The following HUNK variants were observed in gnomAD, a reference collection of about 807,000 sequenced individuals.
HUNK encodes hormonally up-regulated neu tumor-associated kinase.
A neutral mutation model predicts 61.0 loss-of-function variants in HUNK; 21 were observed. That is an observed-to-expected ratio of 0.34 (90% CI 0.24 to 0.50). HUNK has a LOEUF of 0.50. Ranked by LOEUF, HUNK falls within the 20% of genes least tolerant of loss-of-function variation. HUNK has a pLI of 0.98. For missense variants in HUNK, 772 were observed against 945.7 expected (o/e 0.82, Z 2.41); for synonymous variants, 371 against 386.1 (o/e 0.96, Z 0.46).
rs992502321 is a variant in HUNK, at chr21:31,946,081, C to T, written c.656C>T (p.Pro219Leu). ...NCAGILGYSDPFSTQCGSPAY... is the reference protein window; with the variant it reads ...NCAGILGYSDLFSTQCGSPAY... ...GCAGGGATCCTGGGTTACTCGGATC[C>T]GTTCAGCACACAGTGTGGCAGCCCT... Residue 219 changes from proline to leucine, a missense_variant, in exon 4 of 11, where the codon CCG becomes CTG. Pro to Leu is a moderately conservative substitution (Grantham distance 98). This residue lies in a region of HUNK where 359 missense variants were observed against 501.3 expected (regional missense o/e 0.72). Coordinates refer to ENST00000270112, the MANE Select transcript of HUNK (RefSeq NM_014586.2). 19 of 1,612,230 alleles carry T rather than the reference C, an allele frequency of 1.2e-5. No homozygotes were observed. In the Admixed American group the frequency reaches 1.5e-4, roughly 13 times the overall value.
intron 7 of HUNK, among the ~76,000 whole-genome samples, chr21:31,975,669 A>AT (rs35760838): frequency 0.47 from 71,147 of 152,086 alleles, 17,028 homozygotes; most frequent in African/African-American, 0.53. Context: ...AACATGTGCT[A>AT]TTGAAGTCAC....
intron 5 of HUNK, among the ~76,000 whole-genome samples, chr21:31,963,029 T>A (rs1020723305): frequency 2.6e-5 from 4 of 152,262 alleles, no homozygotes; most frequent in Non-Finnish European, 4.4e-5. Context: ...GAGGATCAGC[T>A]GCTGCCCTTC....
intron 5 of HUNK, among the ~76,000 whole-genome samples, chr21:31,961,869 T>C (rs1166176975): frequency 6.6e-6 from 1 of 152,234 alleles, no homozygotes; most frequent in Non-Finnish European, 1.5e-5. Context: ...GCTGATCTGC[T>C]GCCATTTCAT....
chr21:31,998,769 C>G lies in HUNK; in HGVS notation c.1730C>G (p.Ser577Cys), dbSNP rs764597919. 1 of 1,614,194 alleles carries G rather than the reference C, an allele frequency of 6.2e-7. No homozygotes were observed. The highest frequency in any genetic ancestry group is 1.1e-5 in the South Asian group (1 of 91,082). The part of the protein sequence containing the change: ...RDDHVEVLSP[S>C]HHYRILNSPV... ...GACCACGTAGAAGTGCTGTCTCCCT[C>G]TCATCACTACAGGATTCTGAACTCC... The change falls in exon 11 of 11, where the codon TCT (serine) becomes TGT (cysteine). Residue 577 changes from serine (S) to cysteine (C), a missense_variant. Physicochemically the swap from Ser to Cys is moderately radical, Grantham distance 112. Coordinates refer to ENST00000270112, the MANE Select transcript of HUNK (RefSeq NM_014586.2).
intron 8 of HUNK, among the ~76,000 whole-genome samples, chr21:31,986,337 C>T (rs1031306654): frequency 6.6e-6 from 1 of 151,966 alleles, no homozygotes; most frequent in Non-Finnish European, 1.5e-5. Context: ...CCAATTTGAC[C>T]GCTAAACCCC....
At chr21:31,891,096 G>T (rs747280702) in intron 1 of HUNK, among the ~76,000 whole-genome samples, 3 of 152,208 alleles carry the variant, frequency 2.0e-5, no homozygotes, top group Non-Finnish European at 4.4e-5. Flanking sequence ...ACAGAAACAG[G>T]CTGGATGTGG....
rs2053236285 is a variant in HUNK at position 32,000,099 on chromosome 21, TTCTG to T, written c.*916_*919del. 1 of 398,248 alleles carries T rather than the reference TTCTG, an allele frequency of 2.5e-6. No homozygotes were observed. Among genetic ancestry groups the T allele is most frequent in the African/African-American group, 2.1e-5 (1 of 48,560 alleles). 24.7% of individuals were successfully genotyped at this position (398,248 alleles called of 1,614,324 possible). A position where few individuals can be genotyped will look rare whatever the true frequency, so the allele number is the denominator to read the frequency against. ...GTTGTTTAAGGCATAGCCCTGATCCTTCTGGAAGGCATAGAACACGGTTACAGCT... is the reference window on the plus strand; with the variant it reads ...GTTGTTTAAGGCATAGCCCTGATCCTGAAGGCATAGAACACGGTTACAGCT... On this transcript the variant is annotated 3_prime_UTR_variant, in exon 11 of 11. Transcript: ENST00000270112.
At position 31,940,186 on chromosome 21, in the gene HUNK, G is replaced by A. The variant is rs759175027; in HGVS notation, c.576G>A (p.Leu192=). ...VVHRDLKIEN[L]LLDEDNNIKL... ...TCAGAGACTTGAAGATAGAGAATTTGCTACTAGATGAAGACAATAATATCA... is the reference window on the plus strand; with the variant it reads ...TCAGAGACTTGAAGATAGAGAATTTACTACTAGATGAAGACAATAATATCA... Residue 192 remains leucine (L), a synonymous_variant, in exon 3 of 11, where the codon TTG becomes TTA. Coordinates refer to ENST00000270112, the MANE Select transcript of HUNK (RefSeq NM_014586.2). 6.3e-7 allele frequency: 1 copy of A among 1,590,346 alleles called. No individual in the cohort carries two copies.
intron 8 of HUNK, among the ~76,000 whole-genome samples, chr21:31,987,653 A>G (rs921628776): frequency 4.6e-5 from 7 of 152,266 alleles, no homozygotes; most frequent in Non-Finnish European, 8.8e-5. Context: ...ATGGGCAAAC[A>G]GCATTCAATT....
intron 5 of HUNK, among the ~76,000 whole-genome samples, chr21:31,965,932 A>G (rs1199175668): frequency 6.6e-6 from 1 of 152,008 alleles, no homozygotes; most frequent in East Asian, 1.9e-4. Flanking sequence ...TTCAGTACGT[A>G]TTTGAGGAAC....
chr21:31,896,046 A>C lies in HUNK; in HGVS notation c.261+22111A>C, dbSNP rs1017052401. 3.8e-5 allele frequency among the ~76,000 whole-genome samples: 5 copies of C among 131,076 alleles called. No individual in the cohort carries two copies. In the Admixed American group the frequency reaches 4.2e-4, roughly 11 times the overall value. 86.0% of individuals were successfully genotyped at this position (131,076 alleles called of 152,430 possible). ...AGGAAATTTGGACACAGATGTGCGC[A>C]CACACAGAGAGAGACTGCACGAAGG... On this transcript the variant is annotated intron_variant, in intron 1 of 10. Coordinates refer to ENST00000270112, the MANE Select transcript of HUNK (RefSeq NM_014586.2).
intron 4 of HUNK, among the ~76,000 whole-genome samples, chr21:31,956,408 T>A (rs1343042097): frequency 6.6e-6 from 1 of 152,156 alleles, no homozygotes; most frequent in Non-Finnish European, 1.5e-5. Context: ...GTCCAAGTCC[T>A]CTTTGTATGC....
chr21:31,894,813 T>C (rs2052414362), intron 1 of HUNK, among the ~76,000 whole-genome samples: 1 of 152,142 alleles, frequency 6.6e-6, no homozygotes, highest in African/African-American at 2.4e-5. Context: ...GCAAGCCAAG[T>C]GGGGTCTGGA....
chr21:31,919,757 A>AT (rs982358449), intron 1 of HUNK, among the ~76,000 whole-genome samples: 1 of 152,162 alleles, frequency 6.6e-6, no homozygotes, highest in Non-Finnish European at 1.5e-5. Flanking sequence ...GGTGGAGTCA[A>AT]TGAGGAATTG....
Position 31,998,873 on chromosome 21 carries a change from C to T in HUNK, c.1834C>T (p.His612Tyr). The T allele has an allele frequency of 6.2e-7, 1 of 1,614,230 alleles. No homozygotes were observed. Among genetic ancestry groups the T allele is most frequent in the South Asian group, 1.1e-5 (1 of 91,086 alleles). ...GCCATCCGGAAGCATGTCGCCTCTC[C>T]ATACTCCTTTGCATCCAACTCTGGT... ...GLPSGSMSPL[H>Y]TPLHPTLVSF... The change falls in exon 11 of 11, where the codon CAT becomes TAT. Residue 612 changes from histidine (H) to tyrosine (Y), a missense_variant. This residue lies in a region of HUNK where 413 missense variants were observed against 444.4 expected (regional missense o/e 0.93). Transcript: ENST00000270112.
chr21:31,976,705 G>A (rs911938522), intron 7 of HUNK, among the ~76,000 whole-genome samples: 5 of 150,870 alleles, frequency 3.3e-5, no homozygotes, highest in Non-Finnish European at 5.9e-5. Flanking sequence ...GACTTCAAGC[G>A]ATCCTCCTAC....
intron 4 of HUNK, among the ~76,000 whole-genome samples, chr21:31,956,948 G>A (rs80249070): frequency 2.0e-4 from 31 of 152,212 alleles, no homozygotes; most frequent in African/African-American, 7.5e-4. Flanking sequence ...GTTCATTCTT[G>A]TTTCCATTTC....
chr21:31,994,024 C>T (rs895345758), intron 9 of HUNK, among the ~76,000 whole-genome samples: 13 of 152,186 alleles, frequency 8.5e-5, no homozygotes, highest in South Asian at 2.1e-4. Context: ...GCGTTTCCAC[C>T]GGGCTCATGG....
intron 7 of HUNK, among the ~76,000 whole-genome samples, chr21:31,981,527 A>G (rs1356037973): frequency 1.3e-5 from 2 of 152,122 alleles, no homozygotes; most frequent in African/African-American, 4.8e-5. Flanking sequence ...GTCTTCTTCA[A>G]TTTCTTTCAT....
Sources: gnomAD v4.1 joint callset for allele counts (sites outside exome capture counted in the v4.1 genomes callset) on GRCh38, gnomAD v4.1.1 for gene constraint, gnomAD v4.1.1 regional missense constraint, MANE v1.5 for transcripts, NCBI Gene and HGNC (gene_info 2026-07-23, HGNC 2026-07-21) for gene names.